TOX3: variants seen among roughly 807,000 people sequenced by gnomAD.
TOX3 encodes CAG trinucleotide repeat-containing gene F9 protein.
In TOX3, 22 loss-of-function variants were observed where a neutral mutation model predicts 64.3. The observed-to-expected ratio is 0.34, with a 90% CI of 0.24 to 0.49. The LOEUF is 0.49. TOX3 is among the 20% of genes least tolerant of loss of function. The pLI, the probability that TOX3 is intolerant of heterozygous loss-of-function variation, is 0.99. For synonymous variants in TOX3, 291 were observed against 273.6 expected (o/e 1.06, Z -0.63); for missense variants, 661 against 714.4 (o/e 0.93, Z 0.85).
chr16:52,473,348 C>T (rs1961104437), intron 1 of TOX3, among the ~76,000 whole-genome samples: 2 of 150,188 alleles, frequency 1.3e-5, no homozygotes, highest in African/African-American at 2.5e-5. Context: ...AGCTAAATGG[C>T]ACAAACTTAA....
chr16:52,477,367 C>T (rs984874685), intron 1 of TOX3, among the ~76,000 whole-genome samples: 1 of 151,488 alleles, frequency 6.6e-6, no homozygotes, highest in South Asian at 2.1e-4. Context: ...AGGAAGGAGG[C>T]AGAGAGAGAG....
intron 1 of TOX3, among the ~76,000 whole-genome samples, chr16:52,507,147 C>T (rs866497999): frequency 1.3e-5 from 2 of 152,092 alleles, no homozygotes; most frequent in African/African-American, 2.4e-5. Context: ...TGAACTGGAT[C>T]GTGTCTCAGA....
At chr16:52,459,224 G>A (rs1324363556) in intron 3 of TOX3, among the ~76,000 whole-genome samples, 3 of 152,082 alleles carry the variant, frequency 2.0e-5, no homozygotes. Context: ...GCTGAGGATC[G>A]CTTGAACACG....
intron 1 of TOX3, among the ~76,000 whole-genome samples, chr16:52,499,166 G>A (rs1961936070): frequency 6.6e-6 from 1 of 152,174 alleles, no homozygotes; most frequent in Non-Finnish European, 1.5e-5. Context: ...TGGAAATTAG[G>A]TTTTATAACT....
At chr16:52,545,734 C>T (rs1963160665) in intron 1 of TOX3, among the ~76,000 whole-genome samples, 1 of 152,116 alleles carries the variant, frequency 6.6e-6, no homozygotes, top group Non-Finnish European at 1.5e-5. Context: ...TCGACAAATT[C>T]GGCGCTGGGG....
chr16:52,489,777 TC>T (rs1429552603), intron 1 of TOX3, among the ~76,000 whole-genome samples: 3 of 151,868 alleles, frequency 2.0e-5, no homozygotes, highest in Non-Finnish European at 2.9e-5. Context: ...TCAGATATGC[TC>T]CCACCCAGAA....
At chr16:52,529,666 T>C (rs1238642946) in intron 1 of TOX3, among the ~76,000 whole-genome samples, 1 of 152,236 alleles carries the variant, frequency 6.6e-6, no homozygotes, top group Non-Finnish European at 1.5e-5. Context: ...TCCAAGCTTC[T>C]TGGCCATCAA....
intron 1 of TOX3, among the ~76,000 whole-genome samples, chr16:52,503,817 A>G (rs1962074730): frequency 6.6e-6 from 1 of 152,202 alleles, no homozygotes; most frequent in South Asian, 2.1e-4. Flanking sequence ...ATCAGTTTCA[A>G]TGTTATAAAA....
intron 2 of TOX3, among the ~76,000 whole-genome samples, chr16:52,466,778 A>G (rs1474242768): frequency 1.3e-5 from 2 of 152,216 alleles, no homozygotes; most frequent in Non-Finnish European, 2.9e-5. Flanking sequence ...ATCCACTGAA[A>G]TAACCAAGAA....
chr16:52,510,575 G>T (rs897045203), intron 1 of TOX3, among the ~76,000 whole-genome samples: 1 of 151,906 alleles, frequency 6.6e-6, no homozygotes, highest in African/African-American at 2.4e-5. Context: ...GGCCAACATG[G>T]TGAAATCCCA....
At chr16:52,534,645 A>G (rs1011049225) in intron 1 of TOX3, among the ~76,000 whole-genome samples, 1 of 152,120 alleles carries the variant, frequency 6.6e-6, no homozygotes, top group African/African-American at 2.4e-5. Flanking sequence ...CTTAAAAAAA[A>G]CAAAAAAGAG....
chr16:52,460,721 A>G (rs542015282), intron 3 of TOX3, among the ~76,000 whole-genome samples: 2 of 151,754 alleles, frequency 1.3e-5, no homozygotes, highest in African/African-American at 4.8e-5. Context: ...CCAAATAAGA[A>G]AAAAAAAAGA....
At chr16:52,446,326 A>G (rs1960161771) in intron 4 of TOX3, 105 bp from the exon 5 acceptor site, 8 of 1,187,352 alleles carry the variant, frequency 6.7e-6, no homozygotes, top group Middle Eastern at 2.9e-4. Flanking sequence ...GTTAGGCATC[A>G]TCAACAGATG....
chr16:52,507,585 G>A (rs993395289), intron 1 of TOX3, among the ~76,000 whole-genome samples: 1 of 152,144 alleles, frequency 6.6e-6, no homozygotes, highest in African/African-American at 2.4e-5. Context: ...ATACTCAATT[G>A]TATGCACACA....
chr16:52,507,013 G>C (rs1035379854), intron 1 of TOX3, among the ~76,000 whole-genome samples: 4 of 152,144 alleles, frequency 2.6e-5, no homozygotes, highest in African/African-American at 9.7e-5. Flanking sequence ...AACAGTGATG[G>C]ACTCTGAAAG....
At chr16:52,475,366 A>G (rs1226337800) in intron 1 of TOX3, among the ~76,000 whole-genome samples, 1 of 152,208 alleles carries the variant, frequency 6.6e-6, no homozygotes, top group Non-Finnish European at 1.5e-5. Context: ...CTTGAAATCC[A>G]AGTGAAAATA....
chr16:52,444,212 T>G (rs184629754), intron 6 of TOX3, 64 bp downstream of exon 6: 2 of 1,287,980 alleles, frequency 1.6e-6, no homozygotes, highest in Non-Finnish European at 2.1e-6. Flanking sequence ...ATGTTTTCAA[T>G]GCTTGAGGGC....
At chr16:52,463,833 A>G (rs1327942914) in intron 3 of TOX3, 101 bp downstream of exon 3, 2 of 1,366,426 alleles carry the variant, frequency 1.5e-6, no homozygotes, top group East Asian at 5.3e-5. Context: ...TCAATCCACT[A>G]GGAACAGGCA....
rs187619153 is a variant in TOX3, at chr16:52,462,883, C to A, written c.408+1051G>T. Among the ~76,000 whole-genome samples, 124 of 151,950 alleles carry A rather than the reference C, an allele frequency of 8.2e-4. 1 individual carries two copies. Among genetic ancestry groups the A allele is most frequent in the African/African-American group, 2.9e-3 (122 of 41,498 alleles). ...AAAATAAAAACCCTGATGTTCAGCT[C>A]AAACACAAAAGATCACAAGCAAAGA... On this transcript the variant is annotated intron_variant, in intron 3 of 6. Transcript: ENST00000219746.
Sources: gnomAD v4.1 joint callset for allele counts (sites outside exome capture counted in the v4.1 genomes callset) on GRCh38, gnomAD v4.1.1 for gene constraint, MANE v1.5 for transcripts, NCBI Gene and HGNC (gene_info 2026-07-23, HGNC 2026-07-21) for gene names.